MYO18B: variants seen among roughly 807,000 people sequenced by gnomAD.
The protein encoded by MYO18B is unconventional myosin-XVIIIb.
In MYO18B, 204 loss-of-function variants were observed where a neutral mutation model predicts 273.0. The ratio of observed to expected loss-of-function variants is 0.75; its 90% CI spans 0.67 to 0.84. The LOEUF is 0.84. MYO18B is among the 40% of genes least tolerant of loss of function. The pLI is 0.00. For missense variants in MYO18B, 3,212 were observed against 3,287.6 expected (o/e 0.98, Z 0.56); for synonymous variants, 1,330 against 1,305.7 (o/e 1.02, Z -0.40).
intron 42 of MYO18B, among the ~76,000 whole-genome samples, chr22:26,011,872 A>G (rs1398631157): frequency 2.0e-5 from 3 of 152,204 alleles, no homozygotes; most frequent in Admixed American, 6.5e-5. Context: ...TGTTGTATGT[A>G]TCATTTGCTT....
chr22:25,858,830 C>T (rs16980878), intron 21 of MYO18B, among the ~76,000 whole-genome samples: 10,609 of 152,182 alleles, frequency 0.07, 400 homozygotes, highest in Middle Eastern at 0.14. Context: ...GGATGCTTCA[C>T]TGAATGAATC....
chr22:25,831,021 A>G (rs186939016), intron 15 of MYO18B, among the ~76,000 whole-genome samples: 2 of 152,382 alleles, frequency 1.3e-5, no homozygotes, highest in East Asian at 3.9e-4. Context: ...ATATGAGTAT[A>G]AAGAAACTAA....
At chr22:26,042,371 C>G in the MYO18B span, among the ~76,000 whole-genome samples, 2 of 152,238 alleles carry the variant, frequency 1.3e-5, no homozygotes, top group African/African-American at 4.8e-5. Context: ...TATCAGCTTC[C>G]CTTCTTCCTC....
Position 25,780,081 on chromosome 22 carries a change from TGTCC to T in MYO18B, c.2095_2098del (p.Val699SerfsTer21). The T allele has an allele frequency of 2.5e-6, 4 of 1,596,678 alleles. No homozygotes were observed. Among genetic ancestry groups the T allele is most frequent in the Non-Finnish European group, 3.4e-6 (4 of 1,172,902 alleles). The stretch of plus-strand genomic sequence containing the variant: ...TGGAGAAGATCCGAGCCACCTTCAC[TGTCC>T]TCCGGGCCTTCGGCTCTGTGTCCAT... On this transcript the variant is annotated frameshift_variant, in exon 9 of 44. Coordinates refer to ENST00000335473, the MANE Select transcript of MYO18B (RefSeq NM_032608.7). LOFTEE classifies it high-confidence loss of function.
In MYO18B at chr22:26,004,718, G is replaced by T; in HGVS notation, c.6333G>T (p.Met2111Ile). Residue 2111 changes from methionine (M) to isoleucine (I), a missense_variant and splice_region_variant, in exon 42 of 44, where the codon ATG becomes ATT. Met to Ile is a conservative substitution (Grantham distance 10). Transcript: ENST00000335473. ...VDCGSSGRKE[M>I]DNVSILSSQP... ...ATGGTGTCCTGCAATCTTATTCTAG[G>T]GATAACGTCTCCATCCTCAGCTCCC... The T allele has an allele frequency of 6.2e-7, 1 of 1,613,494 alleles. No homozygotes were observed. Among genetic ancestry groups the T allele is most frequent in the African/African-American group, 1.3e-5 (1 of 74,974 alleles).
At chr22:25,937,125 G>T (rs561189741) in intron 34 of MYO18B, among the ~76,000 whole-genome samples, 1 of 152,022 alleles carries the variant, frequency 6.6e-6, no homozygotes, top group African/African-American at 2.4e-5. Flanking sequence ...TGTCACCCAG[G>T]CGGGAGTGCA....
intron 33 of MYO18B, among the ~76,000 whole-genome samples, chr22:25,915,521 G>A (rs942307100): frequency 6.6e-6 from 1 of 152,110 alleles, no homozygotes; most frequent in Non-Finnish European, 1.5e-5. Flanking sequence ...TGGGACCACC[G>A]TTGTATATAC....
chr22:26,002,281 T>C (rs1394889603), intron 40 of MYO18B, among the ~76,000 whole-genome samples: 1 of 152,236 alleles, frequency 6.6e-6, no homozygotes, highest in Non-Finnish European at 1.5e-5. Flanking sequence ...AATTGGCCCA[T>C]GGCTGTTGTT....
chr22:25,844,507 A>G (rs1197496097), intron 18 of MYO18B, among the ~76,000 whole-genome samples: 1 of 152,106 alleles, frequency 6.6e-6, no homozygotes, highest in East Asian at 1.9e-4. Flanking sequence ...AGAACCACTT[A>G]CTCACTACTC....
At chr22:26,060,618 CACATATACACAAATAT>C in the MYO18B span, among the ~76,000 whole-genome samples, 65 of 152,254 alleles carry the variant, frequency 4.3e-4, no homozygotes, top group South Asian at 2.9e-3. Flanking sequence ...TACACACATA[CACATATACACAAATAT>C]ACATATACAC....
At chr22:26,034,731 C>T (rs1160027078), downstream of MYO18B, among the ~76,000 whole-genome samples, 2 of 152,278 alleles carry the variant, frequency 1.3e-5, no homozygotes, top group East Asian at 3.9e-4. Context: ...TAACAGGGCG[C>T]CCATGTCTTG....
chr22:25,917,545 G>GGGGTGTGTGTGT (rs1555944183), intron 33 of MYO18B, among the ~76,000 whole-genome samples: 90 of 142,242 alleles, frequency 6.3e-4, no homozygotes, highest in East Asian at 1.8e-3. Flanking sequence ...GCTTTGTAGG[G>GGGGTGTGTGTGT]GTGTGTGTGT....
the MYO18B span, among the ~76,000 whole-genome samples, chr22:26,062,422 A>G: frequency 0.21 from 31,235 of 152,014 alleles, 3,328 homozygotes; most frequent in Middle Eastern, 0.26. Flanking sequence ...TCTAATGGCT[A>G]TCAGGTATGA....
At chr22:25,806,044 G>A (rs1465694914) in intron 12 of MYO18B, among the ~76,000 whole-genome samples, 1 of 152,170 alleles carries the variant, frequency 6.6e-6, no homozygotes, top group African/African-American at 2.4e-5. Context: ...CAGAGGTCTT[G>A]TCTGATTCTG....
the MYO18B span, among the ~76,000 whole-genome samples, chr22:26,038,723 A>G: frequency 6.6e-6 from 1 of 152,198 alleles, no homozygotes; most frequent in African/African-American, 2.4e-5. Context: ...GGGACAGACC[A>G]CATTAGCCAA....
At chr22:25,750,814 G>A (rs973173922) in intron 1 of MYO18B, among the ~76,000 whole-genome samples, 11 of 152,326 alleles carry the variant, frequency 7.2e-5, no homozygotes, top group Admixed American at 7.2e-4. Flanking sequence ...CCTCAGGCAT[G>A]GTGTCATGGA....
rs1327780742 is a variant in MYO18B at position 25,900,452 on chromosome 22, T to C, written c.4823+1991T>C. 3.3e-5 allele frequency: 5 copies of C among 152,272 alleles called. No individual in the cohort carries two copies. In the East Asian group the frequency reaches 5.8e-4, roughly 18 times the overall value. 9.4% of individuals were successfully genotyped at this position (152,272 alleles called of 1,614,324 possible). A position where few individuals can be genotyped will look rare whatever the true frequency, so the allele number is the denominator to read the frequency against. On this transcript the variant is annotated intron_variant, in intron 29 of 43. Transcript: ENST00000335473. ...CCCAGGATAGAGTGATGCCTCCACA[T>C]TGGTAGAGTTCTCTGTTTCCCGCTT... is the stretch of plus-strand genomic sequence containing the variant.
Position 25,874,342 on chromosome 22 carries a change from A to G in MYO18B, c.4008A>G (p.Val1336=). ...SRLEKQREKL[V]SQSIVLFQAA... ...TTGAGAAGCAGCGAGAGAAGCTGGT[A>G]TCTCAGAGCATCGTTCTCTTCCAGG... Residue 1336 remains valine, a synonymous_variant, in exon 23 of 44, where the codon GTA becomes GTG. Transcript: ENST00000335473. 6.2e-7 allele frequency: 1 copy of G among 1,613,974 alleles called. No individual in the cohort carries two copies. The highest frequency in any genetic ancestry group is 8.5e-7 in the Non-Finnish European group (1 of 1,179,874).
rs35252978 is a variant in MYO18B, at chr22:25,846,129, G to C, written c.3398G>C (p.Arg1133Pro). 6.3e-7 allele frequency: 1 copy of C among 1,593,430 alleles called. No individual in the cohort carries two copies. The highest frequency in any genetic ancestry group is 8.5e-7 in the Non-Finnish European group (1 of 1,172,226). ...REELRSLFQA[R>P]AKLPPVCRAV... ...GAGCTGCGGAGTCTATTCCAGGCCC[G>C]GGCCAAGCTGCCTCCTGTGTGCCGG... Residue 1133 changes from arginine to proline, a missense_variant, in exon 19 of 44, where the codon CGG becomes CCG. By Grantham distance (103) the Arg-to-Pro change is moderately radical. Coordinates refer to ENST00000335473, the MANE Select transcript of MYO18B (RefSeq NM_032608.7).
Sources: allele counts gnomAD v4.1 joint callset (sites outside exome capture counted in the v4.1 genomes callset), GRCh38; gene constraint gnomAD v4.1.1; transcripts MANE v1.5; gene names NCBI Gene and HGNC (gene_info 2026-07-23, HGNC 2026-07-21).